Variants in OR4M1 observed in about 807,000 individuals in gnomAD.
OR4M1 encodes olfactory receptor family 4 subfamily M member 1, also known as olfactory receptor 4M1.
OR4M1 carries 7 observed loss-of-function variants against 9.8 expected under a neutral mutation model. That is an observed-to-expected ratio of 0.71 (90% confidence interval 0.41 to 1.34). The LOEUF is 1.34. OR4M1 is among the 40% of genes most tolerant of loss of function. The pLI is 0.01. For synonymous variants in OR4M1, 121 were observed against 139.8 expected (o/e 0.87, Z 0.95); for missense variants, 331 against 380.4 (o/e 0.87, Z 1.08).
At chr14:19,775,170 A>G (rs1878272516) in intron 1 of OR4M1, among the ~76,000 whole-genome samples, 1 of 152,218 alleles carries the variant, frequency 6.6e-6, no homozygotes, top group South Asian at 2.1e-4. Flanking sequence ...TAACACGGCA[A>G]TTAACCAGCA....
chr14:19,777,889 G>GTA (rs1878358602), intron 1 of OR4M1, among the ~76,000 whole-genome samples: 1 of 152,062 alleles, frequency 6.6e-6, no homozygotes, highest in Non-Finnish European at 1.5e-5. Flanking sequence ...GTATGTGTGT[G>GTA]TGTGTGTGTG....
intron 1 of OR4M1, among the ~76,000 whole-genome samples, chr14:19,775,628 A>G (rs1422461145): frequency 6.8e-6 from 1 of 147,186 alleles, no homozygotes; most frequent in Non-Finnish European, 1.5e-5. Context: ...TTTATATTAT[A>G]TATAAAATAT....
At chr14:19,774,967 C>A (rs1878266853) in intron 1 of OR4M1, among the ~76,000 whole-genome samples, 1 of 152,120 alleles carries the variant, frequency 6.6e-6, no homozygotes, top group Non-Finnish European at 1.5e-5. Flanking sequence ...CAAGGGCACC[C>A]CAGAGTAACC....
Position 19,780,274 on chromosome 14 carries a change from A to T in OR4M1, c.-29-20A>T. 2 of 1,524,162 alleles carry T rather than the reference A, an allele frequency of 1.3e-6. No homozygotes were observed. The highest frequency in any genetic ancestry group is 1.8e-6 in the Non-Finnish European group (2 of 1,129,918). The allele number at this position is 1,524,162 out of a possible 1,614,324, so 94.4% of individuals were successfully genotyped here. ...GATAAATGCTATGTGGACTAATTAT[A>T]GTTTCTTTAATTTTCATAGTTATAT... is the stretch of plus-strand genomic sequence containing the variant. On this transcript the variant is annotated intron_variant, in intron 1 of 1. Coordinates refer to ENST00000641200, the MANE Select transcript of OR4M1 (RefSeq NM_001005500.2).
At chr14:19,779,318 A>G (rs1284287162) in intron 1 of OR4M1, among the ~76,000 whole-genome samples, 1 of 152,232 alleles carries the variant, frequency 6.6e-6, no homozygotes, top group Non-Finnish European at 1.5e-5. Context: ...TCAACAGAAA[A>G]GAAACAACTC....
At chr14:19,776,120 A>C (rs1373131175) in intron 1 of OR4M1, among the ~76,000 whole-genome samples, 1 of 152,220 alleles carries the variant, frequency 6.6e-6, no homozygotes, top group Non-Finnish European at 1.5e-5. Flanking sequence ...ATTAATTCGC[A>C]TTATTTCTAA....
At chr14:19,777,035 T>TATATATAC (rs1878334786) in intron 1 of OR4M1, among the ~76,000 whole-genome samples, 1 of 129,420 alleles carries the variant, frequency 7.7e-6, no homozygotes, top group Non-Finnish European at 1.6e-5. Context: ...TATATATATA[T>TATATATAC]ATATATATAT....
chr14:19,774,457 A>C (rs1184351248), intron 1 of OR4M1, among the ~76,000 whole-genome samples: 1 of 152,224 alleles, frequency 6.6e-6, no homozygotes, highest in African/African-American at 2.4e-5. Context: ...TAGATATATA[A>C]ATGAGACATA....
intron 1 of OR4M1, among the ~76,000 whole-genome samples, chr14:19,774,454 A>G (rs1490820963): frequency 1.1e-4 from 16 of 152,248 alleles, no homozygotes; most frequent in African/African-American, 3.9e-4. Context: ...CAGTAGATAT[A>G]TAAATGAGAC....
At chr14:19,774,068 G>A (rs536563911) in intron 1 of OR4M1, among the ~76,000 whole-genome samples, 1 of 152,366 alleles carries the variant, frequency 6.6e-6, no homozygotes, top group East Asian at 1.9e-4. Context: ...TCTCTGTGAA[G>A]AGGATGGGAA....
chr14:19,780,620 C>G lies in OR4M1; in HGVS notation c.298C>G (p.Gln100Glu). 1 of 1,614,218 alleles carries G rather than the reference C, an allele frequency of 6.2e-7. No individual in the cohort carries two copies. Among genetic ancestry groups the G allele is most frequent in the Non-Finnish European group, 8.5e-7 (1 of 1,180,036 alleles). ...KIISFGGCIA[Q>E]LFFLHFVGAS... Reference sequence around the variant, plus strand: ...AATTTCCTTTGGTGGATGCATTGCACAGCTCTTCTTCTTACACTTTGTTGG... The same window carrying G: ...AATTTCCTTTGGTGGATGCATTGCAGAGCTCTTCTTCTTACACTTTGTTGG... The change falls in exon 2 of 2, where the codon CAG becomes GAG. Residue 100 changes from glutamine to glutamate, a missense_variant. Physicochemically the swap from Gln to Glu is conservative, Grantham distance 29. Around this residue, in one of 2 missense-constraint regions of OR4M1, gnomAD observed 209 missense variants for 200.0 expected, o/e 1.04. Coordinates refer to ENST00000641200, the MANE Select transcript of OR4M1 (RefSeq NM_001005500.2).
intron 1 of OR4M1, 172 bp from the exon 2 acceptor site, chr14:19,780,122 A>G (rs1878423600): frequency 4.9e-6 from 3 of 606,836 alleles, no homozygotes; most frequent in Non-Finnish European, 8.2e-6. Flanking sequence ...TTCCCAATTT[A>G]TAAGTTCATC....
chr14:19,777,019 T>TATATATAC (rs1878332820), intron 1 of OR4M1, among the ~76,000 whole-genome samples: 1 of 117,790 alleles, frequency 8.5e-6, no homozygotes, highest in East Asian at 2.7e-4. Flanking sequence ...TATATATATA[T>TATATATAC]ATATATATAT....
At chr14:19,779,616 G>T (rs931489638) in intron 1 of OR4M1, among the ~76,000 whole-genome samples, 1 of 152,208 alleles carries the variant, frequency 6.6e-6, no homozygotes, top group African/African-American at 2.4e-5. Flanking sequence ...TCCTGCAATG[G>T]TGAGCAAATT....
At chr14:19,776,956 T>C (rs191990760) in intron 1 of OR4M1, among the ~76,000 whole-genome samples, 9 of 147,782 alleles carry the variant, frequency 6.1e-5, no homozygotes, top group African/African-American at 2.2e-4. Context: ...CTAAATATTT[T>C]CTAAACAAAT....
chr14:19,779,439 A>G (rs1878400095), intron 1 of OR4M1, among the ~76,000 whole-genome samples: 1 of 152,242 alleles, frequency 6.6e-6, no homozygotes, highest in Admixed American at 6.5e-5. Flanking sequence ...TTTTTATTTG[A>G]CAAGTTTTGT....
chr14:19,779,781 A>G (rs1878412462), intron 1 of OR4M1, among the ~76,000 whole-genome samples: 1 of 152,262 alleles, frequency 6.6e-6, no homozygotes, highest in African/African-American at 2.4e-5. Context: ...AAATATGTCC[A>G]TTCAGTACTT....
intron 1 of OR4M1, among the ~76,000 whole-genome samples, chr14:19,778,022 G>A (rs1878362770): frequency 6.6e-6 from 1 of 152,176 alleles, no homozygotes; most frequent in African/African-American, 2.4e-5. Context: ...GAAGGGTGGA[G>A]GACAGAGACA....
At position 19,778,523 on chromosome 14, in the gene OR4M1, G is replaced by A. The variant is rs1413602574; in HGVS notation, c.-29-1771G>A. Among the ~76,000 whole-genome samples, 3 of 152,186 alleles carry A rather than the reference G, an allele frequency of 2.0e-5. No individual in the cohort carries two copies. The East Asian group carries it at 5.8e-4, about 29-fold the overall frequency. ...ACTTCCATCTGGTCAAAAACTACAT[G>A]GCATAATAGCAAAATATGTAAATGA... On this transcript the variant is annotated intron_variant, in intron 1 of 1. Transcript: ENST00000641200.
Sources: gnomAD v4.1 joint callset for allele counts (sites outside exome capture counted in the v4.1 genomes callset) on GRCh38, gnomAD v4.1.1 for gene constraint, gnomAD v4.1.1 regional missense constraint, MANE v1.5 for transcripts, NCBI Gene and HGNC (gene_info 2026-07-23, HGNC 2026-07-21) for gene names.